RYR3: variants seen among roughly 807,000 people sequenced by gnomAD.
The protein encoded by RYR3 is brain ryanodine receptor-calcium release channel.
RYR3 carries 207 observed loss-of-function variants against 584.3 expected under a neutral mutation model. The observed-to-expected ratio is 0.35, with a 90% CI of 0.32 to 0.40. RYR3 has a LOEUF of 0.40. Among genes scored for constraint, RYR3 ranks in the 10% least tolerant of loss-of-function variants. The pLI, the probability that RYR3 is intolerant of heterozygous loss-of-function variation, is 1.00. For synonymous variants in RYR3, 2,416 were observed against 2,248.5 expected (o/e 1.07, Z -2.11); for missense variants, 5,616 against 6,089.2 (o/e 0.92, Z 2.59).
intron 27 of RYR3, among the ~76,000 whole-genome samples, chr15:33,640,106 G>A (rs1285550329): frequency 6.6e-6 from 1 of 152,192 alleles, no homozygotes; most frequent in Non-Finnish European, 1.5e-5. Context: ...CTGCCAGGCT[G>A]TTCCTGCCCA....
intron 1 of RYR3, among the ~76,000 whole-genome samples, chr15:33,335,298 A>G (rs1970827988): frequency 6.6e-6 from 1 of 152,232 alleles, no homozygotes; most frequent in Non-Finnish European, 1.5e-5. Flanking sequence ...TCAGTGATAG[A>G]CTGGATAAAG....
intron 2 of RYR3, among the ~76,000 whole-genome samples, chr15:33,479,492 T>TTC (rs888470256): frequency 6.6e-6 from 1 of 151,912 alleles, no homozygotes; most frequent in African/African-American, 2.4e-5. Flanking sequence ...TTGACTTTTT[T>TTC]TTTTTTTTTT....
In RYR3 at chr15:33,628,472, T is replaced by A. The variant is rs762160758; in HGVS notation, c.2576T>A (p.Val859Asp). ...FIPCPVDTSQ[V>D]ILPPHLEKIR... ...TTTCACTTGCTCCTTTTCCTTTAGGTTATTTTGCCACCTCACCTAGAAAAG... is the reference window on the plus strand; with the variant it reads ...TTTCACTTGCTCCTTTTCCTTTAGGATATTTTGCCACCTCACCTAGAAAAG... Residue 859 changes from valine to aspartate, a missense_variant and splice_region_variant, in exon 21 of 104, where the codon GTT (valine) becomes GAT (aspartate). This residue lies in a region of RYR3 where 1,284 missense variants were observed against 1,344.6 expected (regional missense o/e 0.95). Transcript: ENST00000634891. 1.2e-6 allele frequency: 2 copies of A among 1,603,670 alleles called. No homozygotes were observed. The highest frequency in any genetic ancestry group is 1.7e-6 in the Non-Finnish European group (2 of 1,170,634).
In RYR3 at chr15:33,728,937, G is replaced by A. The variant is rs1477642088; in HGVS notation, c.7114G>A (p.Val2372Ile). 7 of 1,613,820 alleles carry A rather than the reference G, an allele frequency of 4.3e-6. No individual in the cohort carries two copies. The highest frequency in any genetic ancestry group is 5.9e-6 in the Non-Finnish European group (7 of 1,179,828). The change falls in exon 47 of 104, where the codon GTT (valine) becomes ATT (isoleucine). Residue 2372 changes from valine to isoleucine, a missense_variant. Val to Ile is a conservative substitution (Grantham distance 29). Around this residue, in one of 9 missense-constraint regions of RYR3, gnomAD observed 1,280 missense variants for 1,426.2 expected, o/e 0.90. Transcript: ENST00000634891. ...KAPMVLFLDR[V>I]YGIKDQTFLL... ...ACCTATGGTGCTGTTCTTGGACCGC[G>A]TTTATGGCATTAAGGATCAAACTTT... is the stretch of plus-strand genomic sequence containing the variant.
At chr15:33,727,814 G>A (rs563492833) in intron 46 of RYR3, among the ~76,000 whole-genome samples, 1 of 152,284 alleles carries the variant, frequency 6.6e-6, no homozygotes, top group South Asian at 2.1e-4. Flanking sequence ...TCATTTGGGG[G>A]TCCTCTTTCC....
intron 32 of RYR3, among the ~76,000 whole-genome samples, chr15:33,654,588 A>C (rs2062712136): frequency 6.6e-6 from 1 of 151,980 alleles, no homozygotes. Flanking sequence ...TATCATGGAG[A>C]TAGGGAAGCA....
chr15:33,399,228 G>A (rs1448014995), intron 1 of RYR3, among the ~76,000 whole-genome samples: 1 of 152,150 alleles, frequency 6.6e-6, no homozygotes, highest in Non-Finnish European at 1.5e-5. Flanking sequence ...GACATCATTT[G>A]TATTTGCTTG....
chr15:33,826,106 T>C (rs36050917), intron 82 of RYR3, 146 bp from the exon 83 acceptor site: 18 of 757,238 alleles, frequency 2.4e-5, no homozygotes, highest in Non-Finnish European at 3.6e-5. Context: ...CTTGCTCTGT[T>C]TCAGTAAAAT....
intron 69 of RYR3, among the ~76,000 whole-genome samples, chr15:33,803,180 A>G (rs988029375): frequency 1.3e-5 from 2 of 152,262 alleles, no homozygotes; most frequent in Non-Finnish European, 2.9e-5. Context: ...TACTCTAAGT[A>G]TACACTTTTA....
chr15:33,795,396 TTTTTTTG>T (rs1204294172), intron 67 of RYR3, among the ~76,000 whole-genome samples: 1 of 82,816 alleles, frequency 1.2e-5, no homozygotes, highest in Admixed American at 1.1e-4. Context: ...TTTTTTTTTT[TTTTTTTG>T]TGAGACAGAG....
intron 69 of RYR3, 160 bp downstream of exon 69, chr15:33,802,121 A>C: frequency 1.3e-6 from 1 of 763,146 alleles, no homozygotes; most frequent in Non-Finnish European, 2.4e-6. Context: ...GAGCCAGAAG[A>C]AACTGCTCTC....
intron 3 of RYR3, among the ~76,000 whole-genome samples, chr15:33,523,081 G>A (rs2054124951): frequency 1.3e-5 from 2 of 152,200 alleles, no homozygotes; most frequent in East Asian, 3.9e-4. Flanking sequence ...GAAATTTTAT[G>A]TCTGCCTAAA....
intron 1 of RYR3, among the ~76,000 whole-genome samples, chr15:33,464,811 C>T (rs2048357947): frequency 1.3e-5 from 2 of 151,956 alleles, no homozygotes; most frequent in South Asian, 2.1e-4. Flanking sequence ...ACTAGAGTCA[C>T]CGTGCTGTAC....
intron 1 of RYR3, among the ~76,000 whole-genome samples, chr15:33,324,462 T>C (rs1969420172): frequency 6.6e-6 from 1 of 152,194 alleles, no homozygotes; most frequent in Non-Finnish European, 1.5e-5. Context: ...TAGATAAAAC[T>C]CAGTGCTTTC....
intron 49 of RYR3, among the ~76,000 whole-genome samples, chr15:33,737,600 T>A (rs2069618347): frequency 6.6e-6 from 1 of 152,212 alleles, no homozygotes; most frequent in Non-Finnish European, 1.5e-5. Context: ...ACAGTTTGTA[T>A]GTTCTTAGAG....
chr15:33,578,722 T>C (rs113174946), intron 12 of RYR3, among the ~76,000 whole-genome samples: 3 of 150,138 alleles, frequency 2.0e-5, no homozygotes, highest in African/African-American at 7.4e-5. Flanking sequence ...CACGTCTGTG[T>C]AACAAACCTG....
intron 9 of RYR3, 71 bp from the exon 10 acceptor site, chr15:33,550,089 A>C (rs2056562551): frequency 2.0e-6 from 3 of 1,472,236 alleles, no homozygotes; most frequent in African/African-American, 1.4e-5. Context: ...TGTGTAAGAA[A>C]GCATAGGATA....
intron 1 of RYR3, among the ~76,000 whole-genome samples, chr15:33,360,494 A>C (rs1233112867): frequency 3.3e-5 from 5 of 152,190 alleles, no homozygotes; most frequent in Non-Finnish European, 7.3e-5. Context: ...CTTTGTATGG[A>C]TATATCACAG....
At chr15:33,590,849 T>C (rs981908672) in intron 16 of RYR3, among the ~76,000 whole-genome samples, 1 of 152,200 alleles carries the variant, frequency 6.6e-6, no homozygotes, top group Non-Finnish European at 1.5e-5. Context: ...TCCAATCATA[T>C]GCTTAGAATT....
Sources: allele counts gnomAD v4.1 joint callset (sites outside exome capture counted in the v4.1 genomes callset), GRCh38; gene constraint gnomAD v4.1.1; regional missense constraint gnomAD v4.1.1; transcripts MANE v1.5; gene names NCBI Gene and HGNC (gene_info 2026-07-23, HGNC 2026-07-21).